TBC1D8: variants seen among roughly 807,000 people sequenced by gnomAD.
TBC1D8 encodes the protein BUB2-like protein 1.
A neutral mutation model predicts 118.8 loss-of-function variants in TBC1D8; 65 were observed. The observed-to-expected ratio is 0.55, with a 90% CI of 0.45 to 0.67. The LOEUF (loss-of-function observed/expected upper bound fraction) is 0.67. TBC1D8 is among the 30% of genes least tolerant of loss of function. TBC1D8 has a pLI of 0.00. For missense variants in TBC1D8, 1,376 were observed against 1,471.2 expected (o/e 0.94, Z 1.06); for synonymous variants, 566 against 595.8 (o/e 0.95, Z 0.73).
At chr2:101,041,767 G>A (rs1681399786) in intron 5 of TBC1D8, among the ~76,000 whole-genome samples, 1 of 152,058 alleles carries the variant, frequency 6.6e-6, no homozygotes, top group South Asian at 2.1e-4. Context: ...GCTCATGCCT[G>A]TAATCTCAGC....
At chr2:101,030,949 G>A (rs1680635056) in intron 11 of TBC1D8, among the ~76,000 whole-genome samples, 1 of 152,220 alleles carries the variant, frequency 6.6e-6, no homozygotes, top group Non-Finnish European at 1.5e-5. Context: ...AACCCATGGT[G>A]ATAGAACTCA....
intron 17 of TBC1D8, 35 bp downstream of exon 17, chr2:101,021,646 A>C: frequency 7.0e-7 from 1 of 1,426,310 alleles, no homozygotes. Flanking sequence ...GTTGAAGCAG[A>C]GCACAGTCTG....
chr2:101,038,446 C>T lies in TBC1D8; in HGVS notation c.1275+15G>A. ...ACATGAAGAAGGGGATCATCAGGGT[C>T]TGGAGGGACCATACCATGTCATCAT... On this transcript the variant is annotated intron_variant, in intron 7 of 19. Transcript: ENST00000409318. The T allele has an allele frequency of 6.2e-7, 1 of 1,611,220 alleles. No individual in the cohort carries two copies.
intron 3 of TBC1D8, among the ~76,000 whole-genome samples, chr2:101,056,204 ATTATTTTT>A (rs1558660525): frequency 3.7e-5 from 2 of 54,732 alleles, no homozygotes; most frequent in African/African-American, 2.1e-4. Context: ...AATTATTATT[ATTATTTTT>A]TTTTTTTTTT....
chr2:101,052,973 A>G (rs1682164601), intron 4 of TBC1D8, among the ~76,000 whole-genome samples: 1 of 152,240 alleles, frequency 6.6e-6, no homozygotes, highest in South Asian at 2.1e-4. Context: ...ACTTTCATTC[A>G]TTAAGTATCT....
intron 1 of TBC1D8, among the ~76,000 whole-genome samples, chr2:101,094,334 G>A (rs6755081): frequency 0.15 from 22,902 of 152,120 alleles, 1,889 homozygotes; most frequent in Middle Eastern, 0.25. Context: ...GGAACATCAG[G>A]TTGGGGACAG....
rs780197708 is a variant in TBC1D8 at position 101,028,306 on chromosome 2, A to G, written c.2349T>C (p.Tyr783=). 49 of 1,611,926 alleles carry G rather than the reference A, an allele frequency of 3.0e-5. No homozygotes were observed. Among genetic ancestry groups the G allele is most frequent in the Admixed American group, 1.8e-4 (11 of 59,816 alleles). The change falls in exon 13 of 20, where the codon TAT becomes TAC. Residue 783 remains tyrosine (Y), a synonymous_variant. Transcript: ENST00000409318. ...TDISDLIRDS[Y]EKFGDQSVEQ... Reference sequence around the variant, plus strand: ...ATGGGGCGGGGGTTCCCGTTACCTCATAGGAATCCCGGATCAGGTCCGAAA... The same window carrying G: ...ATGGGGCGGGGGTTCCCGTTACCTCGTAGGAATCCCGGATCAGGTCCGAAA...
intron 1 of TBC1D8, among the ~76,000 whole-genome samples, chr2:101,094,610 A>G (rs1676269469): frequency 6.6e-6 from 1 of 152,188 alleles, no homozygotes; most frequent in Non-Finnish European, 1.5e-5. Flanking sequence ...GGAAGTAGTG[A>G]CTTTTTAACT....
At chr2:101,037,816 A>G in intron 7 of TBC1D8, 108 bp from the exon 8 acceptor site, 1 of 1,347,248 alleles carries the variant, frequency 7.4e-7, no homozygotes, top group Non-Finnish European at 1.0e-6. Flanking sequence ...GGCATAGCAG[A>G]CTTCAATGAC....
chr2:101,104,799 T>C (rs1677088520), intron 1 of TBC1D8, among the ~76,000 whole-genome samples: 1 of 152,134 alleles, frequency 6.6e-6, no homozygotes, highest in Non-Finnish European at 1.5e-5. Flanking sequence ...GCAGATAACC[T>C]GAAGTGAGGC....
At chr2:101,011,094 T>C (rs1679174914) in intron 18 of TBC1D8, 68 bp from the exon 19 acceptor site, 4 of 1,483,690 alleles carry the variant, frequency 2.7e-6, no homozygotes, top group Admixed American at 3.5e-5. Context: ...AAGGAAACTA[T>C]GTAGGAGAGA....
At chr2:101,110,750 C>T (rs895562540) in intron 1 of TBC1D8, among the ~76,000 whole-genome samples, 1 of 152,026 alleles carries the variant, frequency 6.6e-6, no homozygotes, top group Non-Finnish European at 1.5e-5. Flanking sequence ...GCGGGTGGAT[C>T]ACCTGAGGTC....
rs1032359532 is a variant in TBC1D8 at position 101,028,565 on chromosome 2, G to A, written c.2223-133C>T. The stretch of plus-strand genomic sequence containing the variant: ...CTGGGAGGAGGGCAAGGCTGCAGCT[G>A]CTCGGCTTATTTTAGAGAAGCGAGA... On this transcript the variant is annotated intron_variant, in intron 12 of 19. Transcript: ENST00000409318. The A allele has an allele frequency of 6.8e-6, 9 of 1,314,868 alleles. No homozygotes were observed. In the African/African-American group the frequency reaches 1.0e-4, roughly 15 times the overall value. The allele number at this position is 1,314,868 out of a possible 1,614,324, so 81.5% of individuals were successfully genotyped here. A position where few individuals can be genotyped will look rare whatever the true frequency, so the allele number is the denominator to read the frequency against.
At chr2:101,050,713 A>C in intron 4 of TBC1D8, 72 bp from the exon 5 acceptor site, 1 of 1,568,772 alleles carries the variant, frequency 6.4e-7, no homozygotes, top group Admixed American at 1.7e-5. Flanking sequence ...TCAGCAAGCA[A>C]CTATCCAAAG....
intron 1 of TBC1D8, among the ~76,000 whole-genome samples, chr2:101,145,794 TG>T (rs1366018988): frequency 1.3e-5 from 2 of 152,210 alleles, no homozygotes; most frequent in Non-Finnish European, 2.9e-5. Flanking sequence ...AGAGGAGCCG[TG>T]TGCCCAAATC....
intron 17 of TBC1D8, chr2:101,019,135 C>T (rs1383793437): frequency 8.6e-6 from 13 of 1,505,730 alleles, no homozygotes; most frequent in South Asian, 1.2e-5. Flanking sequence ...TCACCGAGGA[C>T]GTCTGTCTCC....
intron 4 of TBC1D8, among the ~76,000 whole-genome samples, chr2:101,051,657 A>G (rs947400891): frequency 6.6e-6 from 1 of 152,214 alleles, no homozygotes; most frequent in Admixed American, 6.5e-5. Flanking sequence ...ACACGAACAG[A>G]CACTTTTCAA....
intron 17 of TBC1D8, among the ~76,000 whole-genome samples, chr2:101,013,338 C>G (rs997881473): frequency 1.6e-4 from 25 of 152,216 alleles, no homozygotes; most frequent in African/African-American, 6.0e-4. Flanking sequence ...AGAATGCATA[C>G]AGTCTTTAAA....
chr2:101,102,469 A>G (rs1676907452), intron 1 of TBC1D8, among the ~76,000 whole-genome samples: 1 of 152,110 alleles, frequency 6.6e-6, no homozygotes, highest in African/African-American at 2.4e-5. Flanking sequence ...AAAAAAAAAA[A>G]AAATCTCTTC....
Sources: allele counts gnomAD v4.1 joint callset (sites outside exome capture counted in the v4.1 genomes callset), GRCh38; gene constraint gnomAD v4.1.1; transcripts MANE v1.5; gene names NCBI Gene and HGNC (gene_info 2026-07-23, HGNC 2026-07-21).